The following SPAG16 variants were observed in gnomAD, a reference collection of about 807,000 sequenced individuals.
SPAG16 encodes the protein sperm-associated antigen 16 protein.
A neutral mutation model predicts 80.4 loss-of-function variants in SPAG16; 86 were observed. That is an observed-to-expected ratio of 1.07 (90% CI 0.90 to 1.28). The LOEUF is 1.28. Ranked by LOEUF, SPAG16 falls within the 50% of genes most tolerant of loss-of-function variation. The pLI, the probability that SPAG16 is intolerant of heterozygous loss-of-function variation, is 0.00. For missense variants in SPAG16, 870 were observed against 765.3 expected (o/e 1.14, Z -1.61); for synonymous variants, 294 against 265.9 (o/e 1.11, Z -1.03).
intron 15 of SPAG16, among the ~76,000 whole-genome samples, chr2:214,277,843 C>T (rs1224984631): frequency 6.6e-6 from 1 of 152,222 alleles, no homozygotes; most frequent in East Asian, 1.9e-4. Flanking sequence ...CTCTTCAGAG[C>T]TGTCAGACAG....
At chr2:213,681,658 A>G (rs976385591) in intron 10 of SPAG16, among the ~76,000 whole-genome samples, 4 of 152,212 alleles carry the variant, frequency 2.6e-5, no homozygotes, top group African/African-American at 9.7e-5. Context: ...TAAATAAAGA[A>G]GCAGAAATTG....
rs2061789202 is a variant in SPAG16, at chr2:213,621,615, G to A, written c.1070+131525G>A. Among the ~76,000 whole-genome samples the A allele has an allele frequency of 2.0e-5, 3 of 152,122 alleles. No individual in the cohort carries two copies. The South Asian group carries it at 6.2e-4, about 32-fold the overall frequency. On this transcript the variant is annotated intron_variant, in intron 10 of 15. Coordinates refer to ENST00000331683, the MANE Select transcript of SPAG16 (RefSeq NM_024532.5). ...AGACAGATATTGTCAATATGACCAGGGAGAATTAATTGTGTATGGAACAGT... is the reference window on the plus strand; with the variant it reads ...AGACAGATATTGTCAATATGACCAGAGAGAATTAATTGTGTATGGAACAGT...
chr2:213,696,787 T>A (rs1218507123), intron 10 of SPAG16, among the ~76,000 whole-genome samples: 1 of 152,046 alleles, frequency 6.6e-6, no homozygotes, highest in African/African-American at 2.4e-5. Flanking sequence ...TTGGAGTCAT[T>A]TGAGGAGAGA....
At chr2:213,509,226 G>T (rs1006925847) in intron 10 of SPAG16, among the ~76,000 whole-genome samples, 4 of 152,154 alleles carry the variant, frequency 2.6e-5, no homozygotes, top group African/African-American at 9.6e-5. Flanking sequence ...TTGAATTCCT[G>T]ATCTCGTGAT....
chr2:213,985,223 G>A (rs1196134873), intron 12 of SPAG16, among the ~76,000 whole-genome samples: 1 of 151,880 alleles, frequency 6.6e-6, no homozygotes, highest in Non-Finnish European at 1.5e-5. Flanking sequence ...AGAAATTTTT[G>A]GTGTTGTTTC....
intron 15 of SPAG16, among the ~76,000 whole-genome samples, chr2:214,350,787 C>G (rs1429088345): frequency 6.6e-6 from 1 of 152,064 alleles, no homozygotes; most frequent in Admixed American, 6.6e-5. Flanking sequence ...AGGTTGTTGA[C>G]AGCTAGCAGG....
At chr2:213,954,222 A>G (rs1575639516) in intron 12 of SPAG16, among the ~76,000 whole-genome samples, 1 of 151,644 alleles carries the variant, frequency 6.6e-6, no homozygotes, top group African/African-American at 2.4e-5. Context: ...AAAACCACTA[A>G]TCTACTTTCC....
chr2:213,634,755 C>T (rs1490997161), intron 10 of SPAG16, among the ~76,000 whole-genome samples: 1 of 152,072 alleles, frequency 6.6e-6, no homozygotes, highest in Non-Finnish European at 1.5e-5. Context: ...TCATCCCTCT[C>T]CCAACCTTCC....
intron 10 of SPAG16, among the ~76,000 whole-genome samples, chr2:213,740,006 A>G (rs745635609): frequency 6.6e-6 from 1 of 152,214 alleles, no homozygotes; most frequent in Non-Finnish European, 1.5e-5. Flanking sequence ...GGGCAACAAT[A>G]CTATGAATTC....
At chr2:213,352,884 C>T (rs1292059102) in intron 7 of SPAG16, among the ~76,000 whole-genome samples, 1 of 152,148 alleles carries the variant, frequency 6.6e-6, no homozygotes. Flanking sequence ...AAGACTATCC[C>T]AATCTTTGTG....
At chr2:213,537,219 A>G (rs915392788) in intron 10 of SPAG16, among the ~76,000 whole-genome samples, 1 of 151,314 alleles carries the variant, frequency 6.6e-6, no homozygotes. Flanking sequence ...GCTAAATGAC[A>G]AGTTAATGGG....
chr2:213,938,677 T>C (rs1394250918), intron 12 of SPAG16, among the ~76,000 whole-genome samples: 2 of 151,972 alleles, frequency 1.3e-5, no homozygotes, highest in Non-Finnish European at 2.9e-5. Context: ...ATTTAAGATT[T>C]GATTCAATTA....
intron 13 of SPAG16, among the ~76,000 whole-genome samples, chr2:214,016,826 A>G (rs922849975): frequency 2.6e-5 from 4 of 152,220 alleles, no homozygotes; most frequent in African/African-American, 7.2e-5. Flanking sequence ...ACTCTATAAG[A>G]AAAGAATAAA....
chr2:213,542,288 C>A (rs2076472480), intron 10 of SPAG16, among the ~76,000 whole-genome samples: 1 of 151,944 alleles, frequency 6.6e-6, no homozygotes, highest in South Asian at 2.1e-4. Context: ...TTACATGAAA[C>A]CTAGCTAATA....
At chr2:214,248,943 A>C (rs1690052249) in intron 15 of SPAG16, among the ~76,000 whole-genome samples, 1 of 152,204 alleles carries the variant, frequency 6.6e-6, no homozygotes, top group Non-Finnish European at 1.5e-5. Context: ...ACCACAGCAG[A>C]TAAAAGTTTT....
At chr2:213,750,173 T>G (rs1409262412) in intron 10 of SPAG16, among the ~76,000 whole-genome samples, 3 of 152,216 alleles carry the variant, frequency 2.0e-5, no homozygotes, top group African/African-American at 7.2e-5. Flanking sequence ...GTTAAGGTGG[T>G]AAACACAGAA....
chr2:213,790,381 C>A (rs1485276331), intron 10 of SPAG16, among the ~76,000 whole-genome samples: 1 of 151,892 alleles, frequency 6.6e-6, no homozygotes, highest in East Asian at 1.9e-4. Context: ...TGAACATTTT[C>A]TTTGTAAAGA....
intron 10 of SPAG16, among the ~76,000 whole-genome samples, chr2:213,805,818 A>T (rs1231731166): frequency 6.6e-6 from 1 of 152,210 alleles, no homozygotes; most frequent in Non-Finnish European, 1.5e-5. Context: ...AGTTCAAACT[A>T]TTTTTAAATT....
chr2:213,545,549 T>C (rs1289150556), intron 10 of SPAG16, among the ~76,000 whole-genome samples: 2 of 152,164 alleles, frequency 1.3e-5, no homozygotes, highest in Non-Finnish European at 2.9e-5. Context: ...CCCTAGGTCA[T>C]CTAGATTTTC....
Sources: gnomAD v4.1 joint callset for allele counts (sites outside exome capture counted in the v4.1 genomes callset) on GRCh38, gnomAD v4.1.1 for gene constraint, MANE v1.5 for transcripts, NCBI Gene and HGNC (gene_info 2026-07-23, HGNC 2026-07-21) for gene names.